Variants in PROM1 observed in about 807,000 individuals in gnomAD.
PROM1 encodes the protein prominin 1.
In PROM1, 105 loss-of-function variants were observed where a neutral mutation model predicts 116.9. The observed-to-expected ratio is 0.90, with a 90% CI of 0.77 to 1.06. PROM1 has a LOEUF of 1.06. PROM1 is among the 50% of genes least tolerant of loss of function. The probability of loss-of-function intolerance (pLI) is 0.00; values close to 1 mark genes in which losing one functional copy is unlikely to be tolerated. For synonymous variants in PROM1, 393 were observed against 387.0 expected (o/e 1.02, Z -0.18); for missense variants, 1,122 against 1,045.2 (o/e 1.07, Z -1.01).
chr4:16,031,251 C>T (rs1188032638), intron 5 of PROM1, among the ~76,000 whole-genome samples: 1 of 152,144 alleles, frequency 6.6e-6, no homozygotes, highest in Non-Finnish European at 1.5e-5. Flanking sequence ...GATGCTTTCA[C>T]ATCCGAGTCT....
At chr4:16,058,915 T>C (rs1024266224) in intron 2 of PROM1, among the ~76,000 whole-genome samples, 1 of 152,058 alleles carries the variant, frequency 6.6e-6, no homozygotes, top group African/African-American at 2.4e-5. Flanking sequence ...CTCTGGAGCC[T>C]AGTCATGTTG....
At chr4:15,981,489 G>A (rs756621545) in intron 23 of PROM1, among the ~76,000 whole-genome samples, 1 of 151,510 alleles carries the variant, frequency 6.6e-6, no homozygotes, top group South Asian at 2.1e-4. Context: ...GGAGAATCAC[G>A]TGAACCCAGG....
At chr4:15,988,629 G>T (rs1372664754) in intron 19 of PROM1, among the ~76,000 whole-genome samples, 1 of 152,206 alleles carries the variant, frequency 6.6e-6, no homozygotes, top group East Asian at 1.9e-4. Context: ...CAGGTAGGAA[G>T]CACTCTGCCT....
intron 27 of PROM1, among the ~76,000 whole-genome samples, chr4:15,970,372 C>T (rs1714158811): frequency 6.6e-6 from 1 of 151,794 alleles, no homozygotes; most frequent in South Asian, 2.1e-4. Flanking sequence ...AGGGTTTCAC[C>T]ATGTTGGCCA....
At chr4:15,969,549 AG>A (rs1247044333) in intron 27 of PROM1, among the ~76,000 whole-genome samples, 181 bp from the exon 28 acceptor site, 2 of 152,182 alleles carry the variant, frequency 1.3e-5, no homozygotes, top group African/African-American at 2.4e-5. Flanking sequence ...ATAGCAATAT[AG>A]AAAAAAACTT....
intron 5 of PROM1, among the ~76,000 whole-genome samples, chr4:16,026,926 T>C (rs1021395683): frequency 1.3e-5 from 2 of 152,126 alleles, no homozygotes; most frequent in African/African-American, 4.8e-5. Flanking sequence ...AGAAAATCAC[T>C]TTCTTTCTGT....
intron 2 of PROM1, among the ~76,000 whole-genome samples, chr4:16,074,808 G>T (rs904254843): frequency 3.3e-5 from 5 of 152,026 alleles, no homozygotes; most frequent in African/African-American, 9.7e-5. Flanking sequence ...TCACACACAG[G>T]CATGTACACA....
intron 1 of PROM1, chr4:16,078,344 T>C (rs1467509338): frequency 6.6e-6 from 1 of 152,284 alleles, no homozygotes; most frequent in Non-Finnish European, 1.5e-5. Context: ...CCAATGCATG[T>C]AACCTGCCTG....
At position 16,009,106 on chromosome 4, in the gene PROM1, T is replaced by A; in HGVS notation, c.1144A>T (p.Ile382Phe). 4 of 1,612,114 alleles carry A rather than the reference T, an allele frequency of 2.5e-6. No individual in the cohort carries two copies. Among genetic ancestry groups the A allele is most frequent in the Middle Eastern group, 1.7e-4 (1 of 5,724 alleles). Reference sequence around the variant, plus strand: ...CCAATGGAATTCAAGACCCTTTTGATACCTGAAAACAAAGATACCTTTGTT... The same window carrying A: ...CCAATGGAATTCAAGACCCTTTTGAAACCTGAAAACAAAGATACCTTTGTT... ...QRQTTTVVAG[I>F]KRVLNSIGSD... The change falls in exon 12 of 28, where the codon ATC becomes TTC. Residue 382 changes from isoleucine (I) to phenylalanine (F), a missense_variant and splice_region_variant. Coordinates refer to ENST00000447510, the MANE Select transcript of PROM1 (RefSeq NM_006017.3).
intron 1 of PROM1, chr4:16,078,169 T>TGGGAC (rs942512415): frequency 6.6e-6 from 1 of 152,294 alleles, no homozygotes; most frequent in African/African-American, 2.4e-5. Context: ...GGGAAGGGAA[T>TGGGAC]GGGACAGAAA....
chr4:16,006,180 AAATGAATG>A (rs999134831), intron 13 of PROM1, among the ~76,000 whole-genome samples: 1 of 152,260 alleles, frequency 6.6e-6, no homozygotes, highest in East Asian at 1.9e-4. Context: ...GTGAGTGAAT[AAATGAATG>A]AATGAATGAA....
At chr4:16,063,553 G>A (rs1039697479) in intron 2 of PROM1, among the ~76,000 whole-genome samples, 22 of 152,138 alleles carry the variant, frequency 1.4e-4, no homozygotes, top group Admixed American at 3.9e-4. Context: ...TCCAGATCTC[G>A]CCAGTGTACC....
intron 25 of PROM1, 130 bp from the exon 26 acceptor site, chr4:15,979,593 A>C: frequency 7.3e-7 from 1 of 1,372,346 alleles, no homozygotes. Context: ...AAAAAAAGAC[A>C]AATGAGTAAT....
At chr4:15,994,106 A>C (rs558420322) in intron 15 of PROM1, 35 bp from the exon 16 acceptor site, 1 of 1,612,742 alleles carries the variant, frequency 6.2e-7, no homozygotes, top group African/African-American at 1.3e-5. Context: ...GGACCTAGAA[A>C]AGCTGTTGCA....
In PROM1 at chr4:16,000,500, A is replaced by C; in HGVS notation, c.1574T>G (p.Phe525Cys). 6.3e-7 allele frequency: 1 copy of C among 1,589,352 alleles called. No individual in the cohort carries two copies. Among genetic ancestry groups the C allele is most frequent in the Non-Finnish European group, 8.6e-7 (1 of 1,159,910 alleles). Reference protein sequence around the residue: ...ICEPYTSKELFRVLDTPYLLN... With the variant: ...ICEPYTSKELCRVLDTPYLLN... ...TGGGTAGAAAATCATATTTACCCGG[A>C]ATAATTCCTTGCTCGTGTAAGGTTC... Residue 525 changes from phenylalanine to cysteine, a missense_variant, in exon 14 of 28, where the codon TTC becomes TGC. Transcript: ENST00000447510.
Position 15,995,351 on chromosome 4 carries a change from AAGG to A in PROM1, c.1683-1283_1683-1281del, listed in dbSNP as rs565676604. On this transcript the variant is annotated intron_variant, in intron 15 of 27. Transcript: ENST00000447510. ...GAAGACGAAGAAGACGAAGAAGAAGAAGGAGGAGGAGGAGGAAAAGAAGAAGAA... is the reference window on the plus strand; with the variant it reads ...GAAGACGAAGAAGACGAAGAAGAAGAAGGAGGAGGAGGAAAAGAAGAAGAA... Among the ~76,000 whole-genome samples, 26 of 151,524 alleles carry A rather than the reference AAGG, an allele frequency of 1.7e-4. No homozygotes were observed. The South Asian group carries it at 2.7e-3, about 16-fold the overall frequency.
chr4:16,015,645 G>A (rs1018868475), intron 10 of PROM1, among the ~76,000 whole-genome samples: 45 of 151,940 alleles, frequency 3.0e-4, no homozygotes, highest in African/African-American at 1.1e-3. Context: ...AGCCGAGATC[G>A]TACCACTGTA....
chr4:16,007,656 CT>C (rs1266835723), intron 12 of PROM1, among the ~76,000 whole-genome samples: 1 of 152,138 alleles, frequency 6.6e-6, no homozygotes, highest in Non-Finnish European at 1.5e-5. Flanking sequence ...AGTTAATTTT[CT>C]TTTTAAGATA....
In PROM1 at chr4:15,998,411, C is replaced by T. The variant is rs1722852636; in HGVS notation, c.1656G>A (p.Met552Ile). 6.2e-7 allele frequency: 1 copy of T among 1,604,672 alleles called. No individual in the cohort carries two copies. Among genetic ancestry groups the T allele is most frequent in the Admixed American group, 1.7e-5 (1 of 57,826 alleles). ...LSGKLFNKSKMKLTFEQVYSD... is the reference protein window; with the variant it reads ...LSGKLFNKSKIKLTFEQVYSD... ...TGTAAACTTGTTCAAAAGTGAGCTT[C>T]ATTTTTGATTTATTAAATAGCTTCC... Residue 552 changes from methionine to isoleucine, a missense_variant, in exon 15 of 28, where the codon ATG becomes ATA. Transcript: ENST00000447510.
Sources: allele counts gnomAD v4.1 joint callset (sites outside exome capture counted in the v4.1 genomes callset), GRCh38; gene constraint gnomAD v4.1.1; transcripts MANE v1.5; gene names NCBI Gene and HGNC (gene_info 2026-07-23, HGNC 2026-07-21).